The following FHIT variants were observed in gnomAD, a reference collection of about 807,000 sequenced individuals.
FHIT encodes the protein bis(5'-adenosyl)-triphosphatase.
Under a neutral mutation model 17.9 loss-of-function variants are expected in FHIT, and 19 were observed. That is an observed-to-expected ratio of 1.06 (90% CI 0.74 to 1.56). FHIT has a LOEUF of 1.56. Among genes scored for constraint, FHIT ranks in the 40% most tolerant of loss-of-function variants. The pLI, the probability that FHIT is intolerant of heterozygous loss-of-function variation, is 0.00. For missense variants in FHIT, 248 were observed against 189.2 expected (o/e 1.31, Z -1.82); for synonymous variants, 81 against 69.7 (o/e 1.16, Z -0.81).
At chr3:60,644,060 G>A (rs1293383108) in intron 4 of FHIT, among the ~76,000 whole-genome samples, 2 of 152,122 alleles carry the variant, frequency 1.3e-5, no homozygotes, top group African/African-American at 2.4e-5. Flanking sequence ...GCTTGGCAAA[G>A]GGAAATGTGT....
At chr3:60,841,456 G>A (rs961942425) in intron 3 of FHIT, among the ~76,000 whole-genome samples, 10 of 152,124 alleles carry the variant, frequency 6.6e-5, no homozygotes, top group Non-Finnish European at 1.2e-4. Context: ...CTAATGTACC[G>A]GAAAACTTAA....
At chr3:61,169,456 T>G (rs565065286) in intron 2 of FHIT, among the ~76,000 whole-genome samples, 16 of 152,308 alleles carry the variant, frequency 1.1e-4, no homozygotes, top group African/African-American at 3.8e-4. Flanking sequence ...AACTTTACCT[T>G]TTACTGAAAA....
At chr3:60,464,036 T>A (rs2032640996) in intron 5 of FHIT, among the ~76,000 whole-genome samples, 1 of 152,154 alleles carries the variant, frequency 6.6e-6, no homozygotes, top group South Asian at 2.1e-4. Context: ...CAGTTTGGAA[T>A]CATCATCATA....
chr3:61,033,371 A>G (rs942293859), intron 3 of FHIT, among the ~76,000 whole-genome samples: 1 of 152,232 alleles, frequency 6.6e-6, no homozygotes, highest in African/African-American at 2.4e-5. Context: ...AAATTCAGAC[A>G]TGGTGTAAGG....
Position 59,877,349 on chromosome 3 carries a change from G to A in FHIT, c.348+44997C>T, listed in dbSNP as rs187357666. On this transcript the variant is annotated intron_variant, in intron 8 of 9. Coordinates refer to ENST00000492590, the MANE Select transcript of FHIT (RefSeq NM_002012.4). ...ATGGTTTGTCATAAATGACTGTGTA[G>A]AGTTGACAGGGCCTTTGGAAAACTG... Among the ~76,000 whole-genome samples, 93 of 152,332 alleles carry A rather than the reference G, an allele frequency of 6.1e-4. No homozygotes were observed. The South Asian group carries it at 7.9e-3, about 13-fold the overall frequency.
At chr3:60,553,570 GTTC>G (rs1422469017) in intron 4 of FHIT, among the ~76,000 whole-genome samples, 1 of 145,168 alleles carries the variant, frequency 6.9e-6, no homozygotes, top group African/African-American at 2.5e-5. Flanking sequence ...GGCTCCTGAA[GTTC>G]TTCTCATCTA....
At chr3:60,393,866 G>A (rs1022292215) in intron 5 of FHIT, among the ~76,000 whole-genome samples, 1 of 152,132 alleles carries the variant, frequency 6.6e-6, no homozygotes, top group Admixed American at 6.5e-5. Flanking sequence ...TAAGTTCTCT[G>A]TCTGGCTCCT....
intron 4 of FHIT, among the ~76,000 whole-genome samples, chr3:60,690,926 ATTTTG>A (rs1169687416): frequency 1.3e-5 from 2 of 151,920 alleles, no homozygotes; most frequent in African/African-American, 4.8e-5. Context: ...TTATAGCAAT[ATTTTG>A]TACCATATAG....
intron 5 of FHIT, among the ~76,000 whole-genome samples, chr3:60,441,798 A>ATT (rs1559916451): frequency 9.1e-5 from 6 of 65,610 alleles, no homozygotes; most frequent in East Asian, 1.1e-3. Context: ...ATATATATAT[A>ATT]TATATATATA....
intron 8 of FHIT, among the ~76,000 whole-genome samples, chr3:59,767,021 G>T (rs550388623): frequency 1.3e-4 from 20 of 152,238 alleles, no homozygotes; most frequent in African/African-American, 4.1e-4. Flanking sequence ...AGAAAAAAGT[G>T]ATTTTCTGGC....
At chr3:60,690,605 G>C in intron 4 of FHIT, 2 of 532,140 alleles carry the variant, frequency 3.8e-6, no homozygotes, top group East Asian at 5.0e-5. Flanking sequence ...CCAGTGCTCA[G>C]AGCATGAAAA....
At chr3:60,292,435 T>G (rs1344793321) in intron 5 of FHIT, among the ~76,000 whole-genome samples, 1 of 152,022 alleles carries the variant, frequency 6.6e-6, no homozygotes, top group Admixed American at 6.6e-5. Context: ...AAATCAGGGG[T>G]GTCCTCCTAA....
At chr3:60,229,418 CAAAAAGAAAAAAAA>C (rs1704380149) in intron 5 of FHIT, among the ~76,000 whole-genome samples, 2 of 83,874 alleles carry the variant, frequency 2.4e-5, no homozygotes, top group East Asian at 3.1e-4. Flanking sequence ...GAGACATCAT[CAAAAAGAAAAAAAA>C]AAAAAGAAAA....
At chr3:60,699,862 C>T (rs543391128) in intron 4 of FHIT, among the ~76,000 whole-genome samples, 15 of 151,938 alleles carry the variant, frequency 9.9e-5, no homozygotes, top group African/African-American at 2.4e-4. Context: ...TGCACACATA[C>T]GCCAGGTACA....
chr3:60,108,114 A>G (rs1053864313), intron 5 of FHIT, among the ~76,000 whole-genome samples: 8 of 152,182 alleles, frequency 5.3e-5, no homozygotes, highest in African/African-American at 1.7e-4. Context: ...ATGGGTCCGG[A>G]AAGTGCTTTG....
Position 60,638,134 on chromosome 3 carries a change from T to G in FHIT, c.-17-101155A>C, listed in dbSNP as rs73835793. ...TAGAAGTTGCCAGGACACCAACTTA[T>G]GATTTAGAAAATATTAACAAAAAGA... On this transcript the variant is annotated intron_variant, in intron 4 of 9. Coordinates refer to ENST00000492590, the MANE Select transcript of FHIT (RefSeq NM_002012.4). 1.9e-3 allele frequency among the ~76,000 whole-genome samples: 297 copies of G among 152,328 alleles called. 2 individuals carry two copies. Among genetic ancestry groups the G allele is most frequent in the African/African-American group, 7.0e-3 (290 of 41,580 alleles).
chr3:59,875,249 A>C (rs1220994476), intron 8 of FHIT, among the ~76,000 whole-genome samples: 1 of 151,942 alleles, frequency 6.6e-6, no homozygotes, highest in Non-Finnish European at 1.5e-5. Context: ...CCTGAGGGAA[A>C]GCAATCTACA....
intron 8 of FHIT, among the ~76,000 whole-genome samples, chr3:59,823,896 G>A (rs1231451160): frequency 6.6e-6 from 1 of 152,166 alleles, no homozygotes; most frequent in East Asian, 1.9e-4. Context: ...TCGGTAAAGA[G>A]GAAGTCAAAC....
At chr3:60,795,980 G>C (rs1190799702) in intron 4 of FHIT, among the ~76,000 whole-genome samples, 1 of 152,180 alleles carries the variant, frequency 6.6e-6, no homozygotes, top group East Asian at 1.9e-4. Flanking sequence ...CCACATGACA[G>C]GGGAGGCCTC....
Sources: gnomAD v4.1 joint callset for allele counts (sites outside exome capture counted in the v4.1 genomes callset) on GRCh38, gnomAD v4.1.1 for gene constraint, MANE v1.5 for transcripts, NCBI Gene and HGNC (gene_info 2026-07-23, HGNC 2026-07-21) for gene names.